The following BRF1 variants were observed in gnomAD, a reference collection of about 807,000 sequenced individuals.
BRF1 encodes BRF1 general transcription factor IIIB subunit.
BRF1 carries 59 observed loss-of-function variants against 81.7 expected under a neutral mutation model. The ratio of observed to expected loss-of-function variants is 0.72; its 90% CI spans 0.59 to 0.90. The LOEUF (loss-of-function observed/expected upper bound fraction) is 0.90, where lower values mean the gene tolerates loss of function less well. BRF1 is among the 40% of genes least tolerant of loss of function. The pLI is 0.00. For synonymous variants in BRF1, 491 were observed against 395.6 expected, an observed-to-expected ratio of 1.24 and a Z score of -2.86; for missense variants, 1,050 against 936.3, an observed-to-expected ratio of 1.12 and a Z score of -1.58.
intron 4 of BRF1, 143 bp downstream of exon 4, chr14:105,256,375 C>T (rs754629781): frequency 1.3e-6 from 2 of 1,588,756 alleles, no homozygotes; most frequent in East Asian, 4.6e-5. Context: ...TCCTACAGAC[C>T]AAAACTTCCT....
At position 105,228,884 on chromosome 14, in the gene BRF1, A is replaced by T. The variant is rs1566817174; in HGVS notation, c.724T>A (p.Phe242Ile). Residue 242 changes from phenylalanine to isoleucine, a missense_variant, in exon 7 of 18, where the codon TTC becomes ATC. Physicochemically the swap from Phe to Ile is conservative, Grantham distance 21. Around this residue, in one of 2 missense-constraint regions of BRF1, gnomAD observed 1,043 missense variants for 915.4 expected, o/e 1.14. Transcript: ENST00000547530. ...ALLVAARMHD[F>I]RRTVKEVISV... ...ATGACCTCCTTCACAGTCCTCCTGA[A>T]GTCATGCATTCTGGCTGCAACCAGG... The T allele has an allele frequency of 3.7e-6, 6 of 1,613,710 alleles. No homozygotes were observed. Among genetic ancestry groups the T allele is most frequent in the Non-Finnish European group, 5.1e-6 (6 of 1,180,030 alleles).
At chr14:105,244,822 T>A (rs1274512188) in intron 5 of BRF1, among the ~76,000 whole-genome samples, 1 of 152,114 alleles carries the variant, frequency 6.6e-6, no homozygotes, top group Non-Finnish European at 1.5e-5. Context: ...CTGTACCCCA[T>A]GGAGTCATCA....
Position 105,284,427 on chromosome 14 carries a change from G to A in BRF1, c.265+1869C>T, listed in dbSNP as rs1005649632. 3.9e-5 allele frequency among the ~76,000 whole-genome samples: 6 copies of A among 152,134 alleles called. No homozygotes were observed. Among genetic ancestry groups the A allele is most frequent in the African/African-American group, 1.4e-4 (6 of 41,420 alleles). ...GGTGTGTCGGTGCTGGCCACCCGTC[G>A]GCAGCAGCAGCCAGGAGCAGAGGCA... On this transcript the variant is annotated intron_variant, in intron 2 of 17. Coordinates refer to ENST00000547530, the MANE Select transcript of BRF1 (RefSeq NM_001519.4). The surrounding 1 kb of genome is among the most constrained non-coding windows in gnomAD (Gnocchi z 4.0).
chr14:105,226,595 G>C, intron 8 of BRF1, 39 bp downstream of exon 8: 1 of 1,610,644 alleles, frequency 6.2e-7, no homozygotes, highest in Non-Finnish European at 8.5e-7. Context: ...CCCCAAGGCT[G>C]GCAAGCCCAG....
At position 105,217,672 on chromosome 14, in the gene BRF1, G is replaced by A. The variant is rs1005437226; in HGVS notation, c.1644C>T (p.Ser548=). Residue 548 remains serine, a synonymous_variant, in exon 15 of 18, where the codon AGC becomes AGT. Transcript: ENST00000547530. ...CCCTGTGCGGACTGCCCCCGCCGGC[G>A]CTGCTGAGGCCCCGGAGCACGCTAT... ...INYSVLRGLS[S]AGGGSPHRED... 10 of 1,613,242 alleles carry A rather than the reference G, an allele frequency of 6.2e-6. No homozygotes were observed. The highest frequency in any genetic ancestry group is 8.5e-6 in the Non-Finnish European group (10 of 1,180,028).
rs1407516649 is a variant in BRF1 at position 105,248,812 on chromosome 14, G to A, written c.544+3695C>T. 6 of 984,706 alleles carry A rather than the reference G, an allele frequency of 6.1e-6. No individual in the cohort carries two copies. The African/African-American group carries it at 8.8e-5, about 14-fold the overall frequency. 61.0% of individuals were successfully genotyped at this position (984,706 alleles called of 1,614,324 possible). A position where few individuals can be genotyped will look rare whatever the true frequency, so the allele number is the denominator to read the frequency against. ...CTCCCGAGGCCCCGGCGCGGCGCGA[G>A]GGCGCGGGGCGCGGCGTCCACAGGC... is the stretch of plus-strand genomic sequence containing the variant. On this transcript the variant is annotated intron_variant, in intron 5 of 17. Transcript: ENST00000547530.
chr14:105,218,420 G>C (rs587773826), intron 14 of BRF1, among the ~76,000 whole-genome samples: 5 of 152,140 alleles, frequency 3.3e-5, no homozygotes, highest in African/African-American at 1.2e-4. Context: ...CAAGCTCCCC[G>C]GGTCCTGCTG....
At position 105,284,374 on chromosome 14, in the gene BRF1, C is replaced by T. The variant is rs1281564020; in HGVS notation, c.265+1922G>A. On this transcript the variant is annotated intron_variant, in intron 2 of 17. Coordinates refer to ENST00000547530, the MANE Select transcript of BRF1 (RefSeq NM_001519.4). The surrounding 1 kb of genome is among the most constrained non-coding windows in gnomAD (Gnocchi z 4.0). ...CATCCACTCTGCTGTGAGGGATCAT[C>T]GCAAGCCCAACTACCCCTGCCAGCC... Among the ~76,000 whole-genome samples the T allele has an allele frequency of 1.3e-5, 2 of 152,180 alleles. No homozygotes were observed. The highest frequency in any genetic ancestry group is 6.5e-5 in the Admixed American group (1 of 15,284).
At chr14:105,260,969 C>A (rs1276604908) in intron 3 of BRF1, among the ~76,000 whole-genome samples, 1 of 152,244 alleles carries the variant, frequency 6.6e-6, no homozygotes, top group Non-Finnish European at 1.5e-5. Flanking sequence ...GCTCCCAGGG[C>A]TCTGGAGGTT....
intron 3 of BRF1, among the ~76,000 whole-genome samples, chr14:105,265,730 T>G (rs919142844): frequency 1.1e-4 from 16 of 152,000 alleles, no homozygotes; most frequent in African/African-American, 3.6e-4. Context: ...ACCCCTTCTC[T>G]ACTAAAAATT....
In BRF1 at chr14:105,309,776, CTTTTTT is replaced by C. The variant is rs928875653; in HGVS notation, c.-162+5540_-162+5545del. On this transcript the variant is annotated intron_variant, in intron 1 of 17. Transcript: ENST00000327359. This position sits in a 1 kb window ranked among gnomAD's most constrained non-coding sequence, Gnocchi z 4.0. ...TTAAGGAGAAGGTGGTGATGTGTGT[CTTTTTT>C]TTTTTTTTTTTTTTTTTTTTTTAGA... Among the ~76,000 whole-genome samples the C allele has an allele frequency of 3.9e-4, 35 of 89,236 alleles. No homozygotes were observed. The highest frequency in any genetic ancestry group is 7.7e-4 in the Admixed American group (6 of 7,802). The allele number at this position is 89,236 out of a possible 152,430, so 58.5% of individuals were successfully genotyped here.
At chr14:105,313,117 C>T (rs1027681005) in intron 1 of BRF1, among the ~76,000 whole-genome samples, 10 of 152,190 alleles carry the variant, frequency 6.6e-5, no homozygotes, top group African/African-American at 2.2e-4. Flanking sequence ...CCCGCATCTC[C>T]TCACTTGACC....
At chr14:105,291,759 A>G (rs587743445) in intron 1 of BRF1, among the ~76,000 whole-genome samples, 72 of 152,020 alleles carry the variant, frequency 4.7e-4, no homozygotes, top group African/African-American at 1.7e-3. Context: ...GCACCTTCGG[A>G]GGCCAAGGCG....
chr14:105,299,177 G>C (rs2057877415), intron 1 of BRF1, among the ~76,000 whole-genome samples: 1 of 151,234 alleles, frequency 6.6e-6, no homozygotes, highest in Non-Finnish European at 1.5e-5. Context: ...CATCTCAAAA[G>C]AAAAAAAACT....
chr14:105,286,156 A>G, intron 2 of BRF1, 140 bp downstream of exon 2: 1 of 966,664 alleles, frequency 1.0e-6, no homozygotes, highest in Non-Finnish European at 1.6e-6. Context: ...CCTGGAAAGC[A>G]GCCTGGGCTG....
At chr14:105,314,181 G>C (rs1331838325) in intron 1 of BRF1, among the ~76,000 whole-genome samples, 1 of 152,150 alleles carries the variant, frequency 6.6e-6, no homozygotes, top group African/African-American at 2.4e-5. Flanking sequence ...ACCCACGCAG[G>C]GGGGCGCGAG....
chr14:105,223,429 C>G (rs1029083667), intron 10 of BRF1, among the ~76,000 whole-genome samples: 1 of 151,980 alleles, frequency 6.6e-6, no homozygotes, highest in African/African-American at 2.4e-5. Context: ...ACCATTGATG[C>G]GTGACTCAAC....
intron 7 of BRF1, chr14:105,227,270 A>T (rs1359877368): frequency 6.5e-6 from 1 of 154,664 alleles, no homozygotes; most frequent in African/African-American, 2.4e-5. Flanking sequence ...AATAACAAAA[A>T]TTAGCTGGGC....
intron 1 of BRF1, among the ~76,000 whole-genome samples, chr14:105,291,418 G>A (rs945187299): frequency 1.3e-5 from 2 of 152,220 alleles, no homozygotes; most frequent in Non-Finnish European, 2.9e-5. Context: ...GCTCATGACA[G>A]TAATCTCGGC....
Sources: allele counts gnomAD v4.1 joint callset (sites outside exome capture counted in the v4.1 genomes callset), GRCh38; gene constraint gnomAD v4.1.1; regional missense constraint gnomAD v4.1.1; non-coding constraint Gnocchi (gnomAD v3.1); transcripts MANE v1.5; gene names NCBI Gene and HGNC (gene_info 2026-07-23, HGNC 2026-07-21).